Variants in PNKP observed in about 807,000 individuals in gnomAD.
The protein encoded by PNKP is bifunctional polynucleotide phosphatase/kinase.
PNKP carries 82 observed loss-of-function variants against 66.2 expected under a neutral mutation model. The ratio of observed to expected loss-of-function variants is 1.24; its 90% CI spans 1.04 to 1.49. The LOEUF (loss-of-function observed/expected upper bound fraction) is 1.49. Among genes scored for constraint, PNKP ranks in the 40% most tolerant of loss-of-function variants. PNKP has a pLI of 0.00. For missense variants in PNKP, 907 were observed against 706.8 expected, an observed-to-expected ratio of 1.28 and a Z score of -3.21; for synonymous variants, 412 against 298.9, an observed-to-expected ratio of 1.38 and a Z score of -3.90.
intron 13 of PNKP, 25 bp downstream of exon 13, chr19:49,862,019 T>TG (rs1568659504): frequency 6.2e-7 from 1 of 1,613,204 alleles, no homozygotes; most frequent in East Asian, 2.2e-5. Flanking sequence ...ATAATAGATT[T>TG]GGGGCGGCAA....
Position 49,865,252 on chromosome 19 carries a change from C to A in PNKP, c.373G>T (p.Val125Leu). 1 of 1,614,210 alleles carries A rather than the reference C, an allele frequency of 6.2e-7. No individual in the cohort carries two copies. Among genetic ancestry groups the A allele is most frequent in the Non-Finnish European group, 8.5e-7 (1 of 1,180,036 alleles). ...GCATCTCTCTTCTCATCTTGGGACA[C>A]CAGAGGGGTGCCAGGCGGAGTATCT... ...QPDTPPGTPL[V>L]SQDEKRDAEL... The change falls in exon 4 of 17, where the codon GTG becomes TTG. Residue 125 changes from valine to leucine, a missense_variant. Val to Leu is a conservative substitution (Grantham distance 32, BLOSUM62 1). Transcript: ENST00000322344.
chr19:49,862,240 G>GGACTCGGGGAGGCAGA lies in PNKP; in HGVS notation c.1055_1070dup (p.Arg358LeufsTer58). 6.2e-7 allele frequency: 1 copy of GGACTCGGGGAGGCAGA among 1,611,058 alleles called. No homozygotes were observed. Among genetic ancestry groups the GGACTCGGGGAGGCAGA allele is most frequent in the Non-Finnish European group, 8.5e-7 (1 of 1,178,760 alleles). On this transcript the variant is annotated frameshift_variant, in exon 12 of 17. Transcript: ENST00000322344. LOFTEE classifies it high-confidence loss of function. Reference sequence around the variant, plus strand: ...CCGGGCTGGCGCTCAGGAGGGCCCTGGACTCGGGGAGGCAGAGAGGCCCTG... The same window carrying GGACTCGGGGAGGCAGA: ...CCGGGCTGGCGCTCAGGAGGGCCCTGGACTCGGGGAGGCAGAGACTCGGGGAGGCAGAGAGGCCCTG...
intron 14 of PNKP, 27 bp from the exon 15 acceptor site, chr19:49,861,722 G>C (rs895695725): frequency 2.6e-6 from 4 of 1,549,006 alleles, no homozygotes; most frequent in Non-Finnish European, 2.6e-6. Context: ...TGGATGTGCA[G>C]GCCCCGCCCA....
At position 49,861,318 on chromosome 19, in the gene PNKP, A is replaced by T. The variant is rs774739756; in HGVS notation, c.1496T>A (p.Leu499Gln). ...CACCCATAGCCGGAACGGGATCTCC[A>T]GGATGGCAGAGAAGCCTTCAGCCAG... Reference protein sequence around the residue: ...PTLAEGFSAILEIPFRLWVEP... With the variant: ...PTLAEGFSAIQEIPFRLWVEP... Residue 499 changes from leucine to glutamine, a missense_variant, in exon 17 of 17, where the codon CTG becomes CAG. Leu to Gln is a moderately radical substitution (Grantham distance 113, BLOSUM62 -2). Transcript: ENST00000322344. 1.2e-6 allele frequency: 2 copies of T among 1,614,032 alleles called. No homozygotes were observed. Among genetic ancestry groups the T allele is most frequent in the Admixed American group, 1.7e-5 (1 of 60,010 alleles).
At position 49,862,040 on chromosome 19, in the gene PNKP, A is replaced by G; in HGVS notation, c.1188+4T>C. On this transcript the variant is annotated splice_donor_region_variant and intron_variant, in intron 13 of 16. Coordinates refer to ENST00000322344, the MANE Select transcript of PNKP (RefSeq NM_007254.4). ...GATTTGGGGCGGCAAAAGCCTGGTC[A>G]TACCCTGTTCACGTGGACATATCCG... 1 of 1,614,112 alleles carries G rather than the reference A, an allele frequency of 6.2e-7. No homozygotes were observed. Among genetic ancestry groups the G allele is most frequent in the South Asian group, 1.1e-5 (1 of 91,080 alleles).
rs113879990 is a variant in PNKP at position 49,861,947 on chromosome 19, C to A, written c.1189-66G>T. 479 of 1,580,748 alleles carry A rather than the reference C, an allele frequency of 3.0e-4. 8 individuals carry two copies. The South Asian group carries it at 5.0e-3, about 17-fold the overall frequency. On this transcript the variant is annotated intron_variant, in intron 13 of 16. Coordinates refer to ENST00000322344, the MANE Select transcript of PNKP (RefSeq NM_007254.4). ...GGGGAGAGAAGACCCCGAGCGGGGA[C>A]GGGGAGGCAATGATGGAGGAAAGCC...
At chr19:49,867,366 C>A in intron 1 of PNKP, 103 bp downstream of exon 1, 1 of 801,082 alleles carries the variant, frequency 1.2e-6, no homozygotes. Context: ...GACCCGTTTC[C>A]CAGGCGACGA....
rs2122319148 is a variant in PNKP at position 49,861,668 on chromosome 19, GC to G, written c.1325del (p.Gly442AlafsTer25). 6.5e-7 allele frequency: 1 copy of G among 1,548,408 alleles called. No homozygotes were observed. The highest frequency in any genetic ancestry group is 2.4e-5 in the East Asian group (1 of 40,970). On this transcript the variant is annotated frameshift_variant, in exon 15 of 17. Coordinates refer to ENST00000322344, the MANE Select transcript of PNKP (RefSeq NM_007254.4). LOFTEE classifies it high-confidence loss of function. ...ARYVQCARAA[G>X]VPCRCFLFTA... Reference sequence around the variant, plus strand: ...TGAAGAGGAAGCAGCGGCAGGGGACGCCCGCGGCTCGGGCACACTGGACGTA... The same window carrying G: ...TGAAGAGGAAGCAGCGGCAGGGGACGCCGCGGCTCGGGCACACTGGACGTA...
In PNKP at chr19:49,862,755, T is replaced by C. The variant is rs759404435; in HGVS notation, c.817-17A>G. 30 of 1,613,830 alleles carry C rather than the reference T, an allele frequency of 1.9e-5. No individual in the cohort carries two copies. The highest frequency in any genetic ancestry group is 2.3e-5 in the Non-Finnish European group (27 of 1,179,784). On this transcript the variant is annotated splice_polypyrimidine_tract_variant and intron_variant, in intron 8 of 16. Coordinates refer to ENST00000322344, the MANE Select transcript of PNKP (RefSeq NM_007254.4). ...GTCGTTGGCCTACGGGAGACGGTAGTGAGGAGGCCCTTCCCACAAATGTCC... is the reference window on the plus strand; with the variant it reads ...GTCGTTGGCCTACGGGAGACGGTAGCGAGGAGGCCCTTCCCACAAATGTCC...
chr19:49,866,935 C>T, intron 2 of PNKP, 119 bp downstream of exon 2: 1 of 940,282 alleles, frequency 1.1e-6, no homozygotes, highest in Non-Finnish European at 1.8e-6. Flanking sequence ...CCCTAGAGAG[C>T]ACCTTCCGAC....
In PNKP at chr19:49,862,191, G is replaced by T. The variant is rs760583725; in HGVS notation, c.1120C>A (p.Pro374Thr). 1 of 1,613,872 alleles carries T rather than the reference G, an allele frequency of 6.2e-7. No homozygotes were observed. Among genetic ancestry groups the T allele is most frequent in the Non-Finnish European group, 8.5e-7 (1 of 1,179,864 alleles). ...ACAGGAACAGGACACTTACCCCCAG[G>T]GAATCCCACTGCGACAACCACCTCC... ...SPEVVVAVGF[P>T]GAGKSTFLKK... The change falls in exon 12 of 17, where the codon CCT (proline) becomes ACT (threonine). Residue 374 changes from proline to threonine, a missense_variant. Pro to Thr is a conservative substitution (Grantham distance 38). Coordinates refer to ENST00000322344, the MANE Select transcript of PNKP (RefSeq NM_007254.4).
At chr19:49,864,554 A>G in intron 4 of PNKP, 151 bp from the exon 5 acceptor site, 1 of 724,156 alleles carries the variant, frequency 1.4e-6, no homozygotes, top group South Asian at 1.4e-5. Context: ...CTCCATCTCA[A>G]GCATCCGTGA....
chr19:49,862,306 G>C, intron 11 of PNKP, 25 bp from the exon 12 acceptor site: 3 of 1,550,564 alleles, frequency 1.9e-6, no homozygotes, highest in Non-Finnish European at 2.6e-6. Context: ...GGACACGCGT[G>C]AGATGCCGTC....
intron 2 of PNKP, chr19:49,866,809 C>G: frequency 1.7e-6 from 1 of 600,568 alleles, no homozygotes; most frequent in Non-Finnish European, 3.0e-6. Context: ...TCTGGATTTC[C>G]CGATGGCCTG....
intron 7 of PNKP, 42 bp from the exon 8 acceptor site, chr19:49,863,802 G>A (rs745626808): frequency 6.6e-7 from 1 of 1,521,588 alleles, no homozygotes; most frequent in Non-Finnish European, 8.9e-7. Flanking sequence ...TCCCCCTCAA[G>A]CACCTACTGG....
At position 49,862,092 on chromosome 19, in the gene PNKP, G is replaced by T. The variant is rs780500233; in HGVS notation, c.1140C>A (p.Thr380=). Reference sequence around the variant, plus strand: ...CCGACACGAGGTGCTTCTTGAGAAAGGTGGACTTCCCGGCTGTGTGGGGGG... The same window carrying T: ...CCGACACGAGGTGCTTCTTGAGAAATGTGGACTTCCCGGCTGTGTGGGGGG... ...AVGFPGAGKS[T]FLKKHLVSAG... is the part of the protein sequence containing the mutation. The change falls in exon 13 of 17, where the codon ACC becomes ACA. Residue 380 remains threonine (T), a synonymous_variant. Coordinates refer to ENST00000322344, the MANE Select transcript of PNKP (RefSeq NM_007254.4). 1 of 1,614,064 alleles carries T rather than the reference G, an allele frequency of 6.2e-7. No homozygotes were observed. Among genetic ancestry groups the T allele is most frequent in the Admixed American group, 1.7e-5 (1 of 60,004 alleles).
chr19:49,861,835 GCTGT>G lies in PNKP; in HGVS notation c.1231_1234del (p.Thr411ProfsTer2), dbSNP rs886054583. The G allele has an allele frequency of 4.4e-6, 7 of 1,592,554 alleles. No homozygotes were observed. The East Asian group carries it at 1.6e-4, about 37-fold the overall frequency. On this transcript the variant is annotated frameshift_variant, in exon 14 of 17. Transcript: ENST00000322344. LOFTEE classifies it high-confidence loss of function. ...GGCGACCCGTTTCCCTTGCTTCAGG[GCTGT>G]CTCACACGTGGTCACACAGCGCTGC...
Position 49,863,755 on chromosome 19 carries a change from C to A in PNKP, c.750G>T (p.Leu250=). The part of the protein sequence containing the change: ...VEKLGVPFQV[L]VATHAGLYRK... ...GGTACAAGCCTGCGTGCGTGGCCAC[C>A]AGCACCTGTGGATGGGAGGGGGCCA... The change falls in exon 8 of 17, where the codon CTG becomes CTT. Residue 250 remains leucine (L), a synonymous_variant. Transcript: ENST00000322344. The A allele has an allele frequency of 6.4e-7, 1 of 1,559,244 alleles. No individual in the cohort carries two copies. The highest frequency in any genetic ancestry group is 8.7e-7 in the Non-Finnish European group (1 of 1,150,856).
In PNKP at chr19:49,861,311, G is replaced by C. The variant is rs1293393287; in HGVS notation, c.1503C>G (p.Ile501Met). ...TCGGCTCCACCCATAGCCGGAACGG[G>C]ATCTCCAGGATGGCAGAGAAGCCTT... ...LAEGFSAILE[I>M]PFRLWVEPRL... The change falls in exon 17 of 17, where the codon ATC becomes ATG. Residue 501 changes from isoleucine (I) to methionine (M), a missense_variant. By Grantham distance (10) the Ile-to-Met change is conservative (BLOSUM62 1). Transcript: ENST00000322344. 6.2e-7 allele frequency: 1 copy of C among 1,614,114 alleles called. No homozygotes were observed. The highest frequency in any genetic ancestry group is 8.5e-7 in the Non-Finnish European group (1 of 1,180,014).
Sources: allele counts gnomAD v4.1 joint callset, GRCh38; gene constraint gnomAD v4.1.1; transcripts MANE v1.5; gene names NCBI Gene and HGNC (gene_info 2026-07-23, HGNC 2026-07-21).